The following HFM1 variants were observed in gnomAD, a reference collection of about 807,000 sequenced individuals.
HFM1 encodes helicase for meiosis 1, also known as probable ATP-dependent DNA helicase HFM1.
HFM1 carries 169 observed loss-of-function variants against 192.1 expected under a neutral mutation model. That is an observed-to-expected ratio of 0.88 (90% confidence interval 0.78 to 1.00). The LOEUF (loss-of-function observed/expected upper bound fraction) is 1.00, where lower values mean the gene tolerates loss of function less well. HFM1 is among the 50% of genes least tolerant of loss of function. The pLI, the probability that HFM1 is intolerant of heterozygous loss-of-function variation, is 0.00. For missense variants in HFM1, 1,661 were observed against 1,668.0 expected (o/e 1.00, Z 0.07); for synonymous variants, 525 against 537.8 (o/e 0.98, Z 0.33).
In HFM1 at chr1:91,401,328, A is replaced by T. The variant is rs1664286804; in HGVS notation, c.-27-219T>A. Among the ~76,000 whole-genome samples the T allele has an allele frequency of 2.0e-5, 3 of 152,282 alleles. No individual in the cohort carries two copies. The South Asian group carries it at 6.2e-4, about 32-fold the overall frequency. ...GATTCACACTTGCTCCCTTCTCTTC[A>T]TAGTGCTCCAATGCTTGGAATGTGT... On this transcript the variant is annotated intron_variant, in intron 1 of 38. Transcript: ENST00000370425.
intron 2 of HFM1, among the ~76,000 whole-genome samples, chr1:91,398,516 GT>G (rs1459731174): frequency 6.6e-6 from 1 of 152,094 alleles, no homozygotes; most frequent in African/African-American, 2.4e-5. Flanking sequence ...ATTTGGAATT[GT>G]TTTCATTACA....
At chr1:91,377,866 T>C in intron 11 of HFM1, 159 bp downstream of exon 11, 1 of 685,086 alleles carries the variant, frequency 1.5e-6, no homozygotes. Context: ...TTTTATGGCC[T>C]TAATACTGTT....
intron 28 of HFM1, among the ~76,000 whole-genome samples, chr1:91,315,419 C>G (rs1275463950): frequency 6.6e-6 from 1 of 152,076 alleles, no homozygotes; most frequent in African/African-American, 2.4e-5. Context: ...TACAATGGAG[C>G]TATAGTAATT....
At chr1:91,284,223 AATT>A (rs892204198) in intron 30 of HFM1, among the ~76,000 whole-genome samples, 23 of 151,126 alleles carry the variant, frequency 1.5e-4, no homozygotes, top group East Asian at 1.2e-3. Context: ...CAACTACATT[AATT>A]ATTATTATTA....
At position 91,328,665 on chromosome 1, in the gene HFM1, C is replaced by G. The variant is rs193275976; in HGVS notation, c.2336-3899G>C. 7.5e-6 allele frequency: 12 copies of G among 1,593,224 alleles called. No homozygotes were observed. In the Admixed American group the frequency reaches 2.0e-4, roughly 27 times the overall value. On this transcript the variant is annotated intron_variant, in intron 20 of 38. Coordinates refer to ENST00000370425, the MANE Select transcript of HFM1 (RefSeq NM_001017975.6). Reference sequence around the variant, plus strand: ...GCACGCCACCACAGCACAAGTCAGGCGAGCTGGCCAAATGCAGTGAACTGC... The same window carrying G: ...GCACGCCACCACAGCACAAGTCAGGGGAGCTGGCCAAATGCAGTGAACTGC...
Position 91,262,404 on chromosome 1 carries a change from A to G in HFM1, c.4087-12T>C, listed in dbSNP as rs1348913900. 6.3e-7 allele frequency: 1 copy of G among 1,582,448 alleles called. No homozygotes were observed. ...TCTTGAAAATGGACCTACATTTGAG[A>G]TAAAAAATAACAATCATTGAAAGTT... On this transcript the variant is annotated splice_polypyrimidine_tract_variant and intron_variant, in intron 37 of 38. Coordinates refer to ENST00000370425, the MANE Select transcript of HFM1 (RefSeq NM_001017975.6).
At chr1:91,397,237 T>A (rs534090784) in intron 2 of HFM1, among the ~76,000 whole-genome samples, 16 of 152,118 alleles carry the variant, frequency 1.1e-4, no homozygotes, top group Non-Finnish European at 2.2e-4. Flanking sequence ...ATCCAAGAAA[T>A]CATTTGAAAC....
At chr1:91,264,359 G>GTTTTTTTTTTTTTTTTTTTTTT (rs1466938761) in intron 36 of HFM1, among the ~76,000 whole-genome samples, 9 of 54,076 alleles carry the variant, frequency 1.7e-4, no homozygotes, top group South Asian at 6.7e-4. Context: ...CACAAATTTA[G>GTTTTTTTTTTTTTTTTTTTTTT]TATTTTTTTT....
intron 13 of HFM1, among the ~76,000 whole-genome samples, chr1:91,358,531 C>CA (rs916403693): frequency 4.0e-5 from 6 of 151,184 alleles, no homozygotes; most frequent in East Asian, 1.9e-4. Context: ...ATTAGGGCAC[C>CA]AAAAAAAATG....
intron 2 of HFM1, 89 bp downstream of exon 2, chr1:91,400,923 A>G (rs976674436): frequency 1.7e-6 from 1 of 573,588 alleles, no homozygotes; most frequent in Non-Finnish European, 3.1e-6. Context: ...TTTTATTTGT[A>G]TATTTACCAG....
intron 30 of HFM1, among the ~76,000 whole-genome samples, chr1:91,302,622 T>C (rs891088499): frequency 2.0e-5 from 3 of 152,160 alleles, no homozygotes; most frequent in Admixed American, 6.5e-5. Flanking sequence ...GATGAGTTCA[T>C]GTCCTTTGTA....
chr1:91,284,217 T>G (rs1667722949), intron 30 of HFM1, among the ~76,000 whole-genome samples: 1 of 151,500 alleles, frequency 6.6e-6, no homozygotes, highest in African/African-American at 2.4e-5. Flanking sequence ...TTCATTCAAC[T>G]ACATTAATTA....
chr1:91,394,150 G>A lies in HFM1; in HGVS notation c.437C>T (p.Thr146Ile). 1 of 1,607,020 alleles carries A rather than the reference G, an allele frequency of 6.2e-7. No individual in the cohort carries two copies. ...IAPEKSVPDD[T>I]KLVNFAEDKG... is the part of the protein sequence containing the mutation. ...ATCTTCTGCAAAATTAACTAATTTT[G>A]TATCATCAGGAACACTCTTCTCAGG... is the stretch of plus-strand genomic sequence containing the variant. Residue 146 changes from threonine (T) to isoleucine (I), a missense_variant, in exon 4 of 39, where the codon ACA (threonine) becomes ATA (isoleucine). Coordinates refer to ENST00000370425, the MANE Select transcript of HFM1 (RefSeq NM_001017975.6).
At chr1:91,272,431 T>C (rs1227546116) in intron 34 of HFM1, among the ~76,000 whole-genome samples, 2 of 152,004 alleles carry the variant, frequency 1.3e-5, no homozygotes, top group African/African-American at 4.8e-5. Context: ...GGGGTTAAAG[T>C]ATCTAGATGA....
chr1:91,314,030 C>A lies in HFM1; in HGVS notation c.3171G>T (p.Trp1057Cys). 6.2e-7 allele frequency: 1 copy of A among 1,608,802 alleles called. No individual in the cohort carries two copies. ...TDSVLLKAGS[W>C]AKKIAVKRAL... Reference sequence around the variant, plus strand: ...CTCTTTTCACAGCAATCTTTTTAGCCCAACTTCCAGCTTTTAGCAAAACAG... The same window carrying A: ...CTCTTTTCACAGCAATCTTTTTAGCACAACTTCCAGCTTTTAGCAAAACAG... Residue 1057 changes from tryptophan (W) to cysteine (C), a missense_variant, in exon 29 of 39, where the codon TGG (tryptophan) becomes TGT (cysteine). By Grantham distance (215) the Trp-to-Cys change is radical (BLOSUM62 -2). Transcript: ENST00000370425.
At chr1:91,262,651 TGGATCATAA>T in intron 36 of HFM1, 59 bp from the exon 37 acceptor site, 1 of 975,912 alleles carries the variant, frequency 1.0e-6, no homozygotes, top group Non-Finnish European at 1.6e-6. Context: ...CATTTTAATT[TGGATCATAA>T]TGATTTTTGG....
At chr1:91,289,854 G>A (rs1378827240) in intron 30 of HFM1, among the ~76,000 whole-genome samples, 1 of 152,162 alleles carries the variant, frequency 6.6e-6, no homozygotes, top group Non-Finnish European at 1.5e-5. Flanking sequence ...ACCGTGCAAA[G>A]AGGGAGAGGG....
chr1:91,337,981 G>T (rs1025933620), intron 20 of HFM1, among the ~76,000 whole-genome samples: 3 of 152,174 alleles, frequency 2.0e-5, no homozygotes, highest in African/African-American at 7.2e-5. Flanking sequence ...AAGTCATTGA[G>T]GGTGGTTGGA....
intron 30 of HFM1, among the ~76,000 whole-genome samples, chr1:91,277,881 CTTATATA>C (rs1269015678): frequency 7.0e-4 from 69 of 98,834 alleles, no homozygotes; most frequent in African/African-American, 2.6e-3. Flanking sequence ...ATAATATATA[CTTATATA>C]TTATATATGC....
Sources: allele counts gnomAD v4.1 joint callset (sites outside exome capture counted in the v4.1 genomes callset), GRCh38; gene constraint gnomAD v4.1.1; transcripts MANE v1.5; gene names NCBI Gene and HGNC (gene_info 2026-07-23, HGNC 2026-07-21).